TBCK: variants seen among roughly 807,000 people sequenced by gnomAD.
The protein encoded by TBCK is TBC domain-containing protein kinase-like protein.
In TBCK, 99 loss-of-function variants were observed where a neutral mutation model predicts 113.4. The ratio of observed to expected loss-of-function variants is 0.87; its 90% CI spans 0.74 to 1.03. TBCK has a LOEUF of 1.03. Ranked by LOEUF, TBCK falls within the 50% of genes least tolerant of loss-of-function variation. TBCK has a pLI of 0.00. For synonymous variants in TBCK, 369 were observed against 370.8 expected, an observed-to-expected ratio of 1.00 and a Z score of 0.05; for missense variants, 1,045 against 1,061.3, an observed-to-expected ratio of 0.98 and a Z score of 0.21.
At chr4:106,143,274 CTTG>C (rs1197361197) in intron 23 of TBCK, among the ~76,000 whole-genome samples, 3 of 152,224 alleles carry the variant, frequency 2.0e-5, no homozygotes, top group East Asian at 1.9e-4. Context: ...CCCTTTTTCA[CTTG>C]TTGTGCTTAC....
chr4:106,310,781 G>A (rs1768117777), intron 1 of TBCK, among the ~76,000 whole-genome samples: 1 of 152,140 alleles, frequency 6.6e-6, no homozygotes, highest in South Asian at 2.1e-4. Flanking sequence ...AAAGACTACA[G>A]TATCAAGGGC....
rs1250824041 is a variant in TBCK at position 106,268,780 on chromosome 4, TA to T, written c.267-6569del. 2.6e-5 allele frequency among the ~76,000 whole-genome samples: 4 copies of T among 152,230 alleles called. No individual in the cohort carries two copies. In the East Asian group the frequency reaches 5.8e-4, roughly 22 times the overall value. Reference sequence around the variant, plus strand: ...ACTGGCCTCAAACCATCAGCTCTTTTAGGTATCTGCAACATTTCCAAGAAGA... The same window carrying T: ...ACTGGCCTCAAACCATCAGCTCTTTTGGTATCTGCAACATTTCCAAGAAGA... On this transcript the variant is annotated intron_variant, in intron 3 of 25. Transcript: ENST00000394708.
chr4:106,213,173 A>C (rs1341031835), intron 19 of TBCK, among the ~76,000 whole-genome samples: 1 of 152,184 alleles, frequency 6.6e-6, no homozygotes, highest in Non-Finnish European at 1.5e-5. Context: ...GAATGTTCAG[A>C]AAGTGTAGCA....
chr4:106,311,333 G>A (rs956560917), intron 1 of TBCK, among the ~76,000 whole-genome samples: 15 of 151,486 alleles, frequency 9.9e-5, no homozygotes, highest in Non-Finnish European at 8.8e-5. Context: ...CCAATGGTAG[G>A]TAAATGGTTA....
rs4415033 is a variant in TBCK at position 106,251,644 on chromosome 4, T to C, written c.597+222A>G. Among the ~76,000 whole-genome samples, 143,353 of 152,002 alleles carry C rather than the reference T, an allele frequency of 0.94. 67,860 individuals are homozygous for C. The highest frequency in any genetic ancestry group is 0.97 in the Non-Finnish European group (65,898 of 67,868). ...ATTATAGAGATATCAAAATAATATA[T>C]ATCTGGTAACATTTACATTCACACT... On this transcript the variant is annotated intron_variant, in intron 6 of 25. Coordinates refer to ENST00000394708, the MANE Select transcript of TBCK (RefSeq NM_001163435.3).
chr4:106,101,228 G>T (rs1741511957), intron 24 of TBCK, among the ~76,000 whole-genome samples: 1 of 152,138 alleles, frequency 6.6e-6, no homozygotes, highest in Non-Finnish European at 1.5e-5. Context: ...GTCATGGATG[G>T]TTCTCACAGC....
At chr4:106,278,530 T>C (rs914203893) in intron 3 of TBCK, among the ~76,000 whole-genome samples, 4 of 116,790 alleles carry the variant, frequency 3.4e-5, no homozygotes, top group African/African-American at 1.3e-4. Flanking sequence ...CTGCACTCCA[T>C]CCTGGGCAAC....
chr4:106,239,200 G>C (rs1759804664), intron 12 of TBCK, among the ~76,000 whole-genome samples: 2 of 152,006 alleles, frequency 1.3e-5, no homozygotes, highest in African/African-American at 4.8e-5. Context: ...CTTTGATGTA[G>C]GGGAACAGAA....
At chr4:106,278,557 T>C (rs1227582411) in intron 3 of TBCK, among the ~76,000 whole-genome samples, 2 of 29,440 alleles carry the variant, frequency 6.8e-5, no homozygotes, top group Admixed American at 6.3e-4. Context: ...AAACTCTGTC[T>C]CAAAAAAAAA....
At chr4:106,081,824 T>A (rs1037465941) in intron 25 of TBCK, among the ~76,000 whole-genome samples, 1 of 152,120 alleles carries the variant, frequency 6.6e-6, no homozygotes, top group Admixed American at 6.5e-5. Flanking sequence ...AAATAAGAAA[T>A]ATATGCCACT....
chr4:106,152,662 G>A (rs959591296), intron 23 of TBCK, among the ~76,000 whole-genome samples: 2 of 152,066 alleles, frequency 1.3e-5, no homozygotes, highest in African/African-American at 4.8e-5. Flanking sequence ...ATTGGTACAC[G>A]TTCTCTTTAA....
rs565976670 is a variant in TBCK, at chr4:106,052,328, G to A, written c.2572-5648C>T. Among the ~76,000 whole-genome samples the A allele has an allele frequency of 1.1e-4, 16 of 151,836 alleles. No individual in the cohort carries two copies. The East Asian group carries it at 2.1e-3, about 20-fold the overall frequency. Reference sequence around the variant, plus strand: ...GAACAGGTAATTCCAGCATATTAGTGTGTTATATATGAGAAAATGCTAATT... The same window carrying A: ...GAACAGGTAATTCCAGCATATTAGTATGTTATATATGAGAAAATGCTAATT... On this transcript the variant is annotated intron_variant, in intron 25 of 25. Coordinates refer to ENST00000394708, the MANE Select transcript of TBCK (RefSeq NM_001163435.3).
At chr4:106,068,339 C>A (rs1736913413) in intron 25 of TBCK, among the ~76,000 whole-genome samples, 1 of 151,964 alleles carries the variant, frequency 6.6e-6, no homozygotes, top group African/African-American at 2.4e-5. Context: ...GTGTGGTGCT[C>A]CCTGCCCTGT....
intron 5 of TBCK, among the ~76,000 whole-genome samples, chr4:106,257,551 A>C (rs899167786): frequency 6.6e-6 from 1 of 151,986 alleles, no homozygotes; most frequent in Admixed American, 6.5e-5. Flanking sequence ...CTCCTTTTTC[A>C]TTTTAATAGA....
chr4:106,310,053 A>C (rs1033353323), intron 1 of TBCK: 1 of 152,172 alleles, frequency 6.6e-6, no homozygotes. Context: ...CTGACACAAA[A>C]ATCTTTTACC....
intron 3 of TBCK, among the ~76,000 whole-genome samples, chr4:106,281,094 C>T (rs1442589550): frequency 6.6e-6 from 1 of 151,904 alleles, no homozygotes; most frequent in Non-Finnish European, 1.5e-5. Context: ...CTCTTTATTT[C>T]ATCAGTGTTT....
At chr4:106,058,434 T>C (rs1735675451) in intron 25 of TBCK, among the ~76,000 whole-genome samples, 1 of 151,686 alleles carries the variant, frequency 6.6e-6, no homozygotes, top group African/African-American at 2.4e-5. Flanking sequence ...AAGTAAAAGA[T>C]TTTCTATGAG....
intron 23 of TBCK, among the ~76,000 whole-genome samples, chr4:106,120,084 A>C (rs1485137765): frequency 1.3e-5 from 2 of 152,132 alleles, no homozygotes; most frequent in African/African-American, 4.8e-5. Context: ...AGTGCCAGAC[A>C]GTGGGCGCAG....
At chr4:106,116,480 G>A in intron 23 of TBCK, 102 bp from the exon 24 acceptor site, 3 of 944,314 alleles carry the variant, frequency 3.2e-6, no homozygotes, top group East Asian at 2.6e-5. Flanking sequence ...CAGCATATAA[G>A]AGAAGAGGAA....
Sources: allele counts gnomAD v4.1 joint callset (sites outside exome capture counted in the v4.1 genomes callset), GRCh38; gene constraint gnomAD v4.1.1; transcripts MANE v1.5; gene names NCBI Gene and HGNC (gene_info 2026-07-23, HGNC 2026-07-21).